The following ABLIM3 variants were observed in gnomAD, a reference collection of about 807,000 sequenced individuals.
ABLIM3 encodes actin-binding LIM protein 3.
In ABLIM3, 61 loss-of-function variants were observed where a neutral mutation model predicts 109.5. The ratio of observed to expected loss-of-function variants is 0.56; its 90% CI spans 0.45 to 0.69. ABLIM3 has a LOEUF of 0.69. Ranked by LOEUF, ABLIM3 falls within the 30% of genes least tolerant of loss-of-function variation. The pLI is 0.00. For synonymous variants in ABLIM3, 300 were observed against 324.8 expected (o/e 0.92, Z 0.82); for missense variants, 796 against 889.5 (o/e 0.89, Z 1.34).
At chr5:149,205,812 T>C (rs1335826199) in intron 5 of ABLIM3, among the ~76,000 whole-genome samples, 2 of 151,994 alleles carry the variant, frequency 1.3e-5, no homozygotes, top group African/African-American at 4.8e-5. Flanking sequence ...AGAGGCGGAG[T>C]ACTGTGGGAA....
intron 2 of ABLIM3, among the ~76,000 whole-genome samples, chr5:149,172,773 A>G (rs1472054942): frequency 6.6e-6 from 1 of 152,070 alleles, no homozygotes; most frequent in Non-Finnish European, 1.5e-5. Flanking sequence ...CAATTTTTCC[A>G]TTTACATTAC....
chr5:149,144,578 A>G (rs778324626), intron 2 of ABLIM3, among the ~76,000 whole-genome samples: 4 of 152,110 alleles, frequency 2.6e-5, no homozygotes, highest in Non-Finnish European at 5.9e-5. Context: ...CTTATTCTCC[A>G]CCAGCCACCA....
chr5:149,212,640 A>C (rs2127519164), intron 7 of ABLIM3, among the ~76,000 whole-genome samples: 1 of 152,294 alleles, frequency 6.6e-6, no homozygotes, highest in East Asian at 1.9e-4. Context: ...GCTTGTGGAC[A>C]TGGGGATTGA....
chr5:149,239,873 C>T lies in ABLIM3; in HGVS notation c.1189C>T (p.His397Tyr), dbSNP rs114093895. ...CCCCACCTTCTCCCGCTCACCTCAC[C>T]ACTACTACCGCTCTGGTAAGGAAGG... ...MSPTFSRSPH[H>Y]YYRSGPESGR... The change falls in exon 13 of 24, where the codon CAC (histidine) becomes TAC (tyrosine). Residue 397 changes from histidine to tyrosine, a missense_variant. Transcript: ENST00000309868. 1.9e-6 allele frequency: 3 copies of T among 1,608,844 alleles called. No individual in the cohort carries two copies. The highest frequency in any genetic ancestry group is 2.7e-5 in the African/African-American group (2 of 74,680).
chr5:149,218,715 C>T (rs1209238173), intron 8 of ABLIM3: 1 of 152,230 alleles, frequency 6.6e-6, no homozygotes, highest in Non-Finnish European at 1.5e-5. Context: ...CATTTGAGGC[C>T]CAGTTCAGTC....
At chr5:149,189,670 T>C (rs1757297889) in intron 3 of ABLIM3, among the ~76,000 whole-genome samples, 1 of 152,230 alleles carries the variant, frequency 6.6e-6, no homozygotes, top group South Asian at 2.1e-4. Flanking sequence ...ACTTCACATC[T>C]ACTAGAATGG....
intron 23 of ABLIM3, 22 bp from the exon 24 acceptor site, chr5:149,258,269 C>T (rs1336497440): frequency 6.2e-7 from 1 of 1,608,324 alleles, no homozygotes; most frequent in Admixed American, 1.7e-5. Context: ...CCCCCCACCC[C>T]CGCCTGCCCT....
At position 149,142,031 on chromosome 5, in the gene ABLIM3, CG is replaced by C; in HGVS notation, c.-63del. On this transcript the variant is annotated 5_prime_UTR_variant, in exon 2 of 24. An upstream open reading frame in the 5' UTR gains an earlier in-frame stop. Transcript: ENST00000309868. ...CAGGTGATGAGTGAGGTTCGAAGAA[CG>C]GAAGATTTAAAAAGCAGCCGGGGCC... The C allele has an allele frequency of 6.2e-7, 1 of 1,612,526 alleles. No individual in the cohort carries two copies. Among genetic ancestry groups the C allele is most frequent in the Non-Finnish European group, 8.5e-7 (1 of 1,178,890 alleles).
At chr5:149,203,665 C>T (rs1758697726) in intron 5 of ABLIM3, among the ~76,000 whole-genome samples, 2 of 151,566 alleles carry the variant, frequency 1.3e-5, no homozygotes, top group South Asian at 4.2e-4. Flanking sequence ...ACTATTACCA[C>T]TATCGCCAGC....
At chr5:149,203,087 G>A (rs911945706) in intron 5 of ABLIM3, among the ~76,000 whole-genome samples, 2 of 150,146 alleles carry the variant, frequency 1.3e-5, no homozygotes, top group African/African-American at 4.9e-5. Flanking sequence ...CACTACCATT[G>A]CCATCACCAT....
chr5:149,209,363 C>T (rs1192521614), intron 6 of ABLIM3, among the ~76,000 whole-genome samples: 1 of 152,168 alleles, frequency 6.6e-6, no homozygotes, highest in Non-Finnish European at 1.5e-5. Flanking sequence ...ATCAGATGCC[C>T]AGGATAGAAG....
intron 7 of ABLIM3, among the ~76,000 whole-genome samples, chr5:149,212,670 T>C (rs1759679245): frequency 6.6e-6 from 1 of 152,266 alleles, no homozygotes; most frequent in African/African-American, 2.4e-5. Flanking sequence ...AGCTAAAAGT[T>C]GCACCAAAGA....
intron 3 of ABLIM3, among the ~76,000 whole-genome samples, chr5:149,185,019 T>G (rs1045616341): frequency 6.6e-5 from 10 of 152,194 alleles, no homozygotes; most frequent in African/African-American, 2.2e-4. Flanking sequence ...TTTTACACCC[T>G]CTGAAATTGA....
intron 20 of ABLIM3, among the ~76,000 whole-genome samples, chr5:149,250,758 C>T (rs1414415799): frequency 2.0e-5 from 3 of 152,208 alleles, no homozygotes; most frequent in Non-Finnish European, 4.4e-5. Context: ...CAGCTAAACA[C>T]TTTGCAAGCA....
At chr5:149,154,847 A>C (rs986193985) in intron 2 of ABLIM3, among the ~76,000 whole-genome samples, 29 of 152,226 alleles carry the variant, frequency 1.9e-4, no homozygotes, top group Non-Finnish European at 3.8e-4. Flanking sequence ...CACTTATAAA[A>C]GCATTTCTTG....
Position 149,172,579 on chromosome 5 carries a change from C to T in ABLIM3, c.14-10873C>T, listed in dbSNP as rs746213734. Among the ~76,000 whole-genome samples, 77 of 152,306 alleles carry T rather than the reference C, an allele frequency of 5.1e-4. 1 individual carries two copies. The highest frequency in any genetic ancestry group is 6.8e-3 in the Middle Eastern group (2 of 294). ...TCCCTCAGATGGTGATTAAAAGTGA[C>T]TTTGTGGTCATCTATCTGTCTGGAT... On this transcript the variant is annotated intron_variant, in intron 2 of 23. Transcript: ENST00000309868.
rs74675500 is a variant in ABLIM3 at position 149,222,906 on chromosome 5, G to T, written c.757+5860G>T. On this transcript the variant is annotated intron_variant, in intron 8 of 23. Transcript: ENST00000309868. ...TTGGTTGCTATAATTTCGTAGTTTA[G>T]CATTATTACTTTAAATTGGATCTCT... is the stretch of plus-strand genomic sequence containing the variant. Among the ~76,000 whole-genome samples, 967 of 152,144 alleles carry T rather than the reference G, an allele frequency of 6.4e-3. 5 individuals carry two copies. The highest frequency in any genetic ancestry group is 0.01 in the Non-Finnish European group (692 of 68,000).
At position 149,198,015 on chromosome 5, in the gene ABLIM3, AGGCCTGT is replaced by A; in HGVS notation, c.152-202_152-196del. ...ATTCTTTAAGGAATACTGGCCCCAA[AGGCCTGT>A]GAAGTCTGACATGCTACCATTCTGT... On this transcript the variant is annotated intron_variant, in intron 3 of 23. Coordinates refer to ENST00000309868, the MANE Select transcript of ABLIM3 (RefSeq NM_014945.5). This position sits in a 1 kb window ranked among gnomAD's most constrained non-coding sequence, Gnocchi z 4.2. 7.8e-6 allele frequency among the ~76,000 whole-genome samples: 1 copy of A among 128,230 alleles called. No homozygotes were observed. The highest frequency in any genetic ancestry group is 2.2e-4 in the East Asian group (1 of 4,596). 84.1% of individuals were successfully genotyped at this position (128,230 alleles called of 152,430 possible). A position where few individuals can be genotyped will look rare whatever the true frequency, so the allele number is the denominator to read the frequency against.
intron 8 of ABLIM3, among the ~76,000 whole-genome samples, chr5:149,227,815 C>A (rs1193369679): frequency 6.6e-6 from 1 of 152,306 alleles, no homozygotes; most frequent in Non-Finnish European, 1.5e-5. Context: ...GTTAGAGAAG[C>A]CAACTGCCTA....
Sources: allele counts gnomAD v4.1 joint callset (sites outside exome capture counted in the v4.1 genomes callset), GRCh38; gene constraint gnomAD v4.1.1; non-coding constraint Gnocchi (gnomAD v3.1); transcripts MANE v1.5; gene names NCBI Gene and HGNC (gene_info 2026-07-23, HGNC 2026-07-21).